PRKACB: variants seen among roughly 807,000 people sequenced by gnomAD.
The protein encoded by PRKACB is protein kinase cAMP-activated catalytic subunit beta, also known as cAMP-dependent protein kinase catalytic subunit beta.
A neutral mutation model predicts 51.4 loss-of-function variants in PRKACB; 16 were observed. That is an observed-to-expected ratio of 0.31 (90% CI 0.21 to 0.47). The LOEUF (loss-of-function observed/expected upper bound fraction) is 0.47, where lower values mean the gene tolerates loss of function less well. Among genes scored for constraint, PRKACB ranks in the 20% least tolerant of loss-of-function variants. PRKACB has a pLI of 1.00. For missense variants in PRKACB, 309 were observed against 464.5 expected, an observed-to-expected ratio of 0.67 and a Z score of 3.08; for synonymous variants, 147 against 154.4, an observed-to-expected ratio of 0.95 and a Z score of 0.35.
intron 9 of PRKACB, among the ~76,000 whole-genome samples, chr1:84,224,435 C>T (rs190684363): frequency 2.6e-4 from 39 of 152,324 alleles, no homozygotes; most frequent in African/African-American, 8.4e-4. Context: ...AGGCAGTACA[C>T]ACTGCTGCTA....
intron 1 of PRKACB, among the ~76,000 whole-genome samples, chr1:84,153,965 G>GTACTAATGTA (rs1655145941): frequency 6.6e-6 from 1 of 152,052 alleles, no homozygotes; most frequent in Non-Finnish European, 1.5e-5. Flanking sequence ...CATAATGGCT[G>GTACTAATGTA]TACTAATGTA....
Position 84,233,389 on chromosome 1 carries a change from G to T in PRKACB, c.1072-1791G>T, listed in dbSNP as rs1676079400. On this transcript the variant is annotated intron_variant, in intron 9 of 9. Transcript: ENST00000370685. ...ACTTTGGTGAATCTGACAATTATGTGTCTTGGAGTTGCTCTTCTCGAGGAG... is the reference window on the plus strand; with the variant it reads ...ACTTTGGTGAATCTGACAATTATGTTTCTTGGAGTTGCTCTTCTCGAGGAG... 2.1e-5 allele frequency among the ~76,000 whole-genome samples: 3 copies of T among 142,788 alleles called. No individual in the cohort carries two copies. In the South Asian group the frequency reaches 7.2e-4, roughly 34 times the overall value. The allele number at this position is 142,788 out of a possible 152,430, so 93.7% of individuals were successfully genotyped here.
At chr1:84,153,187 G>T (rs1385424734) in intron 1 of PRKACB, among the ~76,000 whole-genome samples, 1 of 152,102 alleles carries the variant, frequency 6.6e-6, no homozygotes, top group Admixed American at 6.6e-5. Flanking sequence ...TTATTTGGGT[G>T]CAGTTTGTGG....
chr1:84,204,664 T>A (rs1671051164), intron 8 of PRKACB: 1 of 1,084,708 alleles, frequency 9.2e-7, no homozygotes, highest in African/African-American at 1.6e-5. Flanking sequence ...ATACAAAAAC[T>A]AAGAATGTAA....
chr1:84,199,621 A>G (rs891041118), intron 7 of PRKACB, among the ~76,000 whole-genome samples: 1 of 152,136 alleles, frequency 6.6e-6, no homozygotes, highest in African/African-American at 2.4e-5. Flanking sequence ...AAACAAATGC[A>G]TGTGTCTTTA....
At chr1:84,189,600 C>G (rs1048869861) in intron 5 of PRKACB, among the ~76,000 whole-genome samples, 9 of 151,842 alleles carry the variant, frequency 5.9e-5, no homozygotes, top group Non-Finnish European at 1.3e-4. Flanking sequence ...ACAGCAAAAG[C>G]CGAACTTCTG....
chr1:84,221,216 T>G (rs552865220), intron 9 of PRKACB, among the ~76,000 whole-genome samples: 107 of 152,214 alleles, frequency 7.0e-4, no homozygotes, highest in Non-Finnish European at 1.3e-3. Flanking sequence ...TCCTCTAGGT[T>G]TTCCAGTTAG....
intron 5 of PRKACB, among the ~76,000 whole-genome samples, chr1:84,190,209 T>C (rs1317001685): frequency 1.3e-5 from 2 of 151,978 alleles, no homozygotes; most frequent in Admixed American, 1.3e-4. Flanking sequence ...GGATTTATAT[T>C]TATTTAGCAA....
intron 1 of PRKACB, among the ~76,000 whole-genome samples, chr1:84,151,458 A>G (rs1451735988): frequency 6.6e-6 from 1 of 152,114 alleles, no homozygotes; most frequent in African/African-American, 2.4e-5. Flanking sequence ...CAACAAAGTG[A>G]CACACTTGAC....
In PRKACB at chr1:84,197,840, C is replaced by G. The variant is rs766870327; in HGVS notation, c.783+16C>G. ...TCTCAGCAAGGTATATTCATAATATCAACACATAAGAAGTAGAAATATGAG... is the reference window on the plus strand; with the variant it reads ...TCTCAGCAAGGTATATTCATAATATGAACACATAAGAAGTAGAAATATGAG... On this transcript the variant is annotated intron_variant, in intron 7 of 9. Transcript: ENST00000370685. 18 of 1,541,570 alleles carry G rather than the reference C, an allele frequency of 1.2e-5. No homozygotes were observed. In the South Asian group the frequency reaches 2.0e-4, roughly 17 times the overall value.
chr1:84,183,632 T>C (rs1474255692), intron 3 of PRKACB, among the ~76,000 whole-genome samples: 1 of 151,844 alleles, frequency 6.6e-6, no homozygotes, highest in Non-Finnish European at 1.5e-5. Flanking sequence ...GGACTTTAAG[T>C]CATTAGGACC....
intron 7 of PRKACB, among the ~76,000 whole-genome samples, chr1:84,199,660 G>A (rs1386219837): frequency 2.0e-5 from 3 of 152,102 alleles, no homozygotes; most frequent in Non-Finnish European, 4.4e-5. Flanking sequence ...TCCTCTGGGT[G>A]TATACCCAGT....
intron 1 of PRKACB, among the ~76,000 whole-genome samples, chr1:84,110,296 A>T (rs1205236245): frequency 2.6e-5 from 4 of 152,106 alleles, no homozygotes; most frequent in Non-Finnish European, 5.9e-5. Flanking sequence ...GGTATTATAA[A>T]TAATCTAGAG....
At chr1:84,165,477 G>A (rs1657115373) in intron 1 of PRKACB, among the ~76,000 whole-genome samples, 1 of 151,662 alleles carries the variant, frequency 6.6e-6, no homozygotes, top group African/African-American at 2.4e-5. Context: ...TTTTGTTGAT[G>A]TCTTGGTTGC....
intron 5 of PRKACB, among the ~76,000 whole-genome samples, chr1:84,190,050 G>A (rs183502999): frequency 6.0e-5 from 9 of 151,032 alleles, no homozygotes; most frequent in Admixed American, 2.6e-4. Flanking sequence ...TTCTTCCTCC[G>A]TTTTTGGAAC....
chr1:84,137,236 A>G (rs1293869569), intron 1 of PRKACB, among the ~76,000 whole-genome samples: 1 of 152,198 alleles, frequency 6.6e-6, no homozygotes, highest in Non-Finnish European at 1.5e-5. Context: ...TAAAAGAGCT[A>G]TAAAGCCGTA....
chr1:84,160,767 C>A (rs1413948730), intron 1 of PRKACB, among the ~76,000 whole-genome samples: 1 of 151,176 alleles, frequency 6.6e-6, no homozygotes, highest in Admixed American at 6.6e-5. Context: ...GATTTAATAT[C>A]TAAATATTTA....
intron 9 of PRKACB, among the ~76,000 whole-genome samples, chr1:84,218,345 G>A (rs1673175099): frequency 6.6e-6 from 1 of 152,162 alleles, no homozygotes. Flanking sequence ...TCTGGTAGCT[G>A]TCATTCTATA....
chr1:84,189,702 A>G (rs1666190571), intron 5 of PRKACB, among the ~76,000 whole-genome samples: 1 of 151,978 alleles, frequency 6.6e-6, no homozygotes. Context: ...AAACTAGGGA[A>G]ATTAATTAGA....
Sources: allele counts gnomAD v4.1 joint callset (sites outside exome capture counted in the v4.1 genomes callset), GRCh38; gene constraint gnomAD v4.1.1; transcripts MANE v1.5; gene names NCBI Gene and HGNC (gene_info 2026-07-23, HGNC 2026-07-21).